NEXN: variants seen among roughly 807,000 people sequenced by gnomAD.
NEXN encodes the protein nexilin.
Under a neutral mutation model 92.6 loss-of-function variants are expected in NEXN, and 65 were observed. The ratio of observed to expected loss-of-function variants is 0.70; its 90% CI spans 0.57 to 0.86. The LOEUF is 0.86. Ranked by LOEUF, NEXN falls within the 40% of genes least tolerant of loss-of-function variation. NEXN has a pLI of 0.00. For missense variants in NEXN, 778 were observed against 771.1 expected (o/e 1.01, Z -0.11); for synonymous variants, 254 against 242.5 (o/e 1.05, Z -0.44).
chr1:77,917,539 T>C, intron 2 of NEXN, 27 bp from the exon 3 acceptor site: 1 of 1,557,644 alleles, frequency 6.4e-7, no homozygotes, highest in Non-Finnish European at 8.8e-7. Context: ...TCGTTAACTT[T>C]CTTTTTTTTA....
Position 77,917,987 on chromosome 1 carries a change from G to A in NEXN, c.247G>A (p.Glu83Lys), listed in dbSNP as rs754112822. The A allele has an allele frequency of 1.3e-5, 21 of 1,613,218 alleles. No individual in the cohort carries two copies. The highest frequency in any genetic ancestry group is 1.1e-5 in the South Asian group (1 of 91,038). The change falls in exon 4 of 13, where the codon GAG (glutamate) becomes AAG (lysine). Residue 83 changes from glutamate (E) to lysine (K), a missense_variant. By Grantham distance (56) the Glu-to-Lys change is moderately conservative. Coordinates refer to ENST00000334785, the MANE Select transcript of NEXN (RefSeq NM_144573.4). The part of the protein sequence containing the change: ...EIKEMLASDD[E>K]EDVSSKVEKA... ...TAAAGAAATGCTTGCTTCTGATGAT[G>A]AGGAAGATGTATCTTCTAAAGTAGA...
chr1:77,919,880 G>A (rs1397170536), intron 5 of NEXN, among the ~76,000 whole-genome samples: 2 of 151,088 alleles, frequency 1.3e-5, no homozygotes, highest in Non-Finnish European at 2.9e-5. Context: ...GATTACAGGC[G>A]TGAGTCACCG....
intron 1 of NEXN, among the ~76,000 whole-genome samples, chr1:77,914,368 G>C (rs1000138289): frequency 1.3e-5 from 2 of 151,674 alleles, no homozygotes; most frequent in Non-Finnish European, 2.9e-5. Context: ...ACATATACAG[G>C]AAATCTCTAT....
At chr1:77,927,396 C>G (rs1649938920) in intron 8 of NEXN, among the ~76,000 whole-genome samples, 1 of 151,960 alleles carries the variant, frequency 6.6e-6, no homozygotes. Flanking sequence ...ACTCAATGAA[C>G]CTGGTTTCCT....
Position 77,924,361 on chromosome 1 carries a change from C to CAA in NEXN, c.448-817_448-816dup, listed in dbSNP as rs5775431. On this transcript the variant is annotated intron_variant, in intron 5 of 12. Transcript: ENST00000334785. Reference sequence around the variant, plus strand: ...TGGGTGACAGCACGAGACTCCATCTCAAAAAAAAAAATAAACTAGCCTACA... The same window carrying CAA: ...TGGGTGACAGCACGAGACTCCATCTCAAAAAAAAAAAAATAAACTAGCCTACA... 3.9e-3 allele frequency: 585 copies of CAA among 148,538 alleles called. 3 individuals are homozygous for CAA. Among genetic ancestry groups the CAA allele is most frequent in the Middle Eastern group, 0.01 (3 of 290 alleles). 9.2% of individuals were successfully genotyped at this position (148,538 alleles called of 1,614,324 possible).
chr1:77,916,102 C>T lies in NEXN; in HGVS notation c.-5C>T. ...ATAATCAGCCCAAGACCACATAGAG[C>T]AAACATGAATGATATTTCCCAAAAG... On this transcript the variant is annotated 5_prime_UTR_variant, in exon 2 of 13. Coordinates refer to ENST00000334785, the MANE Select transcript of NEXN (RefSeq NM_144573.4). 1.9e-6 allele frequency: 3 copies of T among 1,605,914 alleles called. No homozygotes were observed. The highest frequency in any genetic ancestry group is 1.7e-6 in the Non-Finnish European group (2 of 1,175,356).
chr1:77,898,884 G>C (rs1647451555), intron 1 of NEXN, among the ~76,000 whole-genome samples: 1 of 152,190 alleles, frequency 6.6e-6, no homozygotes, highest in South Asian at 2.1e-4. Context: ...AGACATTTAT[G>C]CAGCCAAAAA....
Position 77,926,558 on chromosome 1 carries a change from T to A in NEXN, c.634T>A (p.Tyr212Asn), listed in dbSNP as rs769549962. The stretch of plus-strand genomic sequence containing the variant: ...GTACGAGGAAGATAAAAGAATAAGA[T>A]ATGAAGAACAACGACCATCTCTCAA... ...IKYEEDKRIRYEEQRPSLKEA... is the reference protein window; with the variant it reads ...IKYEEDKRIRNEEQRPSLKEA... Residue 212 changes from tyrosine (Y) to asparagine (N), a missense_variant, in exon 7 of 13, where the codon TAT (tyrosine) becomes AAT (asparagine). By Grantham distance (143) the Tyr-to-Asn change is moderately radical. Coordinates refer to ENST00000334785, the MANE Select transcript of NEXN (RefSeq NM_144573.4). 19 of 1,613,788 alleles carry A rather than the reference T, an allele frequency of 1.2e-5. No homozygotes were observed. In the Admixed American group the frequency reaches 3.2e-4, roughly 27 times the overall value.
intron 1 of NEXN, among the ~76,000 whole-genome samples, chr1:77,908,367 A>C (rs1036940824): frequency 7.4e-4 from 69 of 93,502 alleles, no homozygotes; most frequent in Admixed American, 1.3e-3. Flanking sequence ...GAGCCACTGC[A>C]CCCACCCCCA....
chr1:77,911,234 A>G (rs879607006), intron 1 of NEXN, among the ~76,000 whole-genome samples: 3 of 152,204 alleles, frequency 2.0e-5, no homozygotes, highest in Non-Finnish European at 4.4e-5. Flanking sequence ...GAGTACTGAC[A>G]TGACGTCACA....
chr1:77,941,773 C>CTAGG, intron 11 of NEXN: 1 of 484,216 alleles, frequency 2.1e-6, no homozygotes, highest in Non-Finnish European at 3.8e-6. Flanking sequence ...GACAAACAGG[C>CTAGG]TAGGATCCCA....
chr1:77,895,376 G>T (rs539318540), intron 1 of NEXN, among the ~76,000 whole-genome samples: 1 of 152,064 alleles, frequency 6.6e-6, no homozygotes, highest in South Asian at 2.1e-4. Flanking sequence ...GTATAAGGTT[G>T]CAACCTTCAT....
chr1:77,929,632 T>C lies in NEXN; in HGVS notation c.1053+128T>C, dbSNP rs74092336. On this transcript the variant is annotated intron_variant, in intron 9 of 12. Transcript: ENST00000334785. ...GTGCCAAGAGTAGAAATGGCAAATA[T>C]GTTTTAAAGTCTCCCATGGAATAAC... The C allele has an allele frequency of 3.6e-3, 4,463 of 1,250,062 alleles. 142 individuals are homozygous for C. The African/African-American group carries it at 0.06, about 17-fold the overall frequency. The allele number at this position is 1,250,062 out of a possible 1,614,324, so 77.4% of individuals were successfully genotyped here.
intron 1 of NEXN, among the ~76,000 whole-genome samples, chr1:77,896,447 T>C (rs1020606685): frequency 6.6e-6 from 1 of 151,988 alleles, no homozygotes; most frequent in Admixed American, 6.6e-5. Context: ...CCAAACCTCT[T>C]GCAATTGTGC....
chr1:77,919,851 TGGCATCCCAAA>T (rs1649283014), intron 5 of NEXN, among the ~76,000 whole-genome samples: 1 of 151,444 alleles, frequency 6.6e-6, no homozygotes, highest in Admixed American at 6.6e-5. Flanking sequence ...CTACCTGCCT[TGGCATCCCAAA>T]GTGCTGGGAT....
Position 77,943,198 on chromosome 1 carries a change from C to T in NEXN, c.*369C>T, listed in dbSNP as rs1651547427. On this transcript the variant is annotated 3_prime_UTR_variant, in exon 13 of 13. Transcript: ENST00000334785. ...GAACCTATTATAAAGACTGTATTTC[C>T]CATAGACGTTTACAGCAACTATGTT... 2 of 247,692 alleles carry T rather than the reference C, an allele frequency of 8.1e-6. No homozygotes were observed. Among genetic ancestry groups the T allele is most frequent in the South Asian group, 4.8e-5 (1 of 20,682 alleles). The allele number at this position is 247,692 out of a possible 1,614,324, so 15.3% of individuals were successfully genotyped here.
chr1:77,920,152 C>T (rs535956234), intron 5 of NEXN, among the ~76,000 whole-genome samples: 1 of 152,088 alleles, frequency 6.6e-6, no homozygotes, highest in African/African-American at 2.4e-5. Flanking sequence ...CTGCCCACCT[C>T]GGCCTCCCAA....
intron 5 of NEXN, among the ~76,000 whole-genome samples, chr1:77,922,661 G>A (rs1214312236): frequency 6.6e-6 from 1 of 150,490 alleles, no homozygotes; most frequent in Non-Finnish European, 1.5e-5. Context: ...GCAGTGGCAC[G>A]ATCTCAGCTC....
At chr1:77,910,563 C>T (rs911975740) in intron 1 of NEXN, among the ~76,000 whole-genome samples, 2 of 151,680 alleles carry the variant, frequency 1.3e-5, no homozygotes, top group Non-Finnish European at 2.9e-5. Flanking sequence ...TCAGCCTGGC[C>T]AACATAGTGA....
Sources: allele counts gnomAD v4.1 joint callset (sites outside exome capture counted in the v4.1 genomes callset), GRCh38; gene constraint gnomAD v4.1.1; transcripts MANE v1.5; gene names NCBI Gene and HGNC (gene_info 2026-07-23, HGNC 2026-07-21).